Variants in PDE2A observed in about 807,000 individuals in gnomAD.
PDE2A encodes cGMP-dependent 3',5'-cyclic phosphodiesterase.
A neutral mutation model predicts 133.6 loss-of-function variants in PDE2A; 53 were observed. The ratio of observed to expected loss-of-function variants is 0.40; its 90% CI spans 0.32 to 0.50. The LOEUF is 0.50. Ranked by LOEUF, PDE2A falls within the 20% of genes least tolerant of loss-of-function variation. The pLI is 0.73. For synonymous variants in PDE2A, 491 were observed against 490.2 expected (o/e 1.00, Z -0.02); for missense variants, 796 against 1,232.4 (o/e 0.65, Z 5.30).
intron 1 of PDE2A, among the ~76,000 whole-genome samples, chr11:72,669,285 T>A (rs1317341880): frequency 1.3e-5 from 2 of 152,040 alleles, no homozygotes; most frequent in East Asian, 3.9e-4. Flanking sequence ...AGCCCAGAAA[T>A]CCAGGGTCCA....
At chr11:72,657,839 A>G (rs758386256) in intron 1 of PDE2A, 5 of 455,584 alleles carry the variant, frequency 1.1e-5, no homozygotes, top group African/African-American at 2.0e-5. Flanking sequence ...CCCATCTGTT[A>G]TGTGCACCTA....
At position 72,584,648 on chromosome 11, in the gene PDE2A, G is replaced by A; in HGVS notation, c.1440C>T (p.Asp480=). 4 of 1,613,454 alleles carry A rather than the reference G, an allele frequency of 2.5e-6. No homozygotes were observed. The highest frequency in any genetic ancestry group is 2.2e-5 in the East Asian group (1 of 44,884). ...ATTGQILNIP[D]AYAHPLFYRG... ...GGTAGAAAAGCGGATGGGCATATGC[G>A]TCAGGGATGTTCAGGATCTGGCCCG... The change falls in exon 18 of 31, where the codon GAC becomes GAT. Residue 480 remains aspartate (D), a synonymous_variant. Transcript: ENST00000334456.
chr11:72,579,552 A>C lies in PDE2A; in HGVS notation c.2238T>G (p.Phe746Leu), dbSNP rs1488072965. Residue 746 changes from phenylalanine (F) to leucine (L), a missense_variant, in exon 26 of 31, where the codon TTT becomes TTG. This residue lies in a region of PDE2A where 218 missense variants were observed against 465.9 expected (regional missense o/e 0.47). Transcript: ENST00000334456. ...AILNTHGCNI[F>L]DHFSRKDYQR... ...CCATCACCTTCCGGGAGAAATGATC[A>C]AAGATGTTGCAGCCGTGGGTGTTGA... 3.1e-6 allele frequency: 5 copies of C among 1,609,348 alleles called. No individual in the cohort carries two copies. In the African/African-American group the frequency reaches 6.8e-5, roughly 22 times the overall value.
chr11:72,606,213 C>G (rs1054588320), intron 3 of PDE2A, among the ~76,000 whole-genome samples: 1 of 151,948 alleles, frequency 6.6e-6, no homozygotes, highest in African/African-American at 2.4e-5. Flanking sequence ...TTCGGGATCC[C>G]TGACCAACCC....
intron 2 of PDE2A, among the ~76,000 whole-genome samples, chr11:72,623,997 CTTTT>C (rs71062781): frequency 7.1e-6 from 1 of 141,542 alleles, no homozygotes; most frequent in African/African-American, 2.6e-5. Context: ...CAATCTTTTT[CTTTT>C]TTTTTTTTTG....
chr11:72,624,209 C>G (rs142349175), intron 2 of PDE2A, among the ~76,000 whole-genome samples: 1,661 of 152,216 alleles, frequency 0.011, 16 homozygotes, highest in South Asian at 0.02. Flanking sequence ...TCTTGAACTC[C>G]TGACCTCAGG....
At chr11:72,653,595 G>A (rs1367476630) in intron 1 of PDE2A, among the ~76,000 whole-genome samples, 1 of 152,132 alleles carries the variant, frequency 6.6e-6, no homozygotes, top group Non-Finnish European at 1.5e-5. Context: ...TATAGAGATA[G>A]TAATAAAGGA....
chr11:72,580,466 T>A (rs1177702670), intron 25 of PDE2A, 111 bp downstream of exon 25: 42 of 833,612 alleles, frequency 5.0e-5, no homozygotes. Flanking sequence ...GCTGCAGCTC[T>A]CGCAGCCTGT....
At chr11:72,611,729 A>C (rs910836436) in intron 2 of PDE2A, among the ~76,000 whole-genome samples, 1 of 152,166 alleles carries the variant, frequency 6.6e-6, no homozygotes, top group Non-Finnish European at 1.5e-5. Flanking sequence ...GGTCCTGCCC[A>C]GCATGCCCCA....
At chr11:72,643,474 C>T (rs1351669706) in intron 1 of PDE2A, 2 of 152,410 alleles carry the variant, frequency 1.3e-5, no homozygotes, top group African/African-American at 4.8e-5. Flanking sequence ...TTCTCATCTC[C>T]CTCACAGGAC....
chr11:72,672,403 C>T (rs1855405286), intron 1 of PDE2A, among the ~76,000 whole-genome samples: 1 of 152,210 alleles, frequency 6.6e-6, no homozygotes, highest in African/African-American at 2.4e-5. Context: ...CCAGTCTCGT[C>T]TCAAACTCCT....
intron 2 of PDE2A, among the ~76,000 whole-genome samples, chr11:72,613,366 C>T (rs1035903209): frequency 2.6e-5 from 4 of 151,936 alleles, no homozygotes; most frequent in Admixed American, 1.3e-4. Context: ...CTGTGAGGCC[C>T]TCCTCTCTCT....
chr11:72,636,931 C>T (rs1269584471), intron 2 of PDE2A, among the ~76,000 whole-genome samples: 1 of 152,232 alleles, frequency 6.6e-6, no homozygotes, highest in Non-Finnish European at 1.5e-5. Context: ...ACATGGCTTA[C>T]AAGTCCTGCA....
At chr11:72,580,020 G>A (rs1855648216) in intron 25 of PDE2A, 1 of 206,588 alleles carries the variant, frequency 4.8e-6, no homozygotes, top group Non-Finnish European at 9.8e-6. Context: ...ACTCAGAAAA[G>A]GAGCAGCTTA....
intron 6 of PDE2A, among the ~76,000 whole-genome samples, chr11:72,594,259 G>A (rs1409519478): frequency 1.3e-5 from 2 of 152,226 alleles, no homozygotes; most frequent in African/African-American, 4.8e-5. Context: ...AATGGGGCTT[G>A]TCCAGGAAGG....
At chr11:72,600,201 A>T (rs1490022419) in intron 4 of PDE2A, among the ~76,000 whole-genome samples, 1 of 152,152 alleles carries the variant, frequency 6.6e-6, no homozygotes, top group Non-Finnish European at 1.5e-5. Flanking sequence ...AGGGACGGTA[A>T]TGGTCAGGTA....
intron 2 of PDE2A, among the ~76,000 whole-genome samples, chr11:72,632,121 G>T (rs1858428714): frequency 6.6e-6 from 1 of 152,150 alleles, no homozygotes; most frequent in Non-Finnish European, 1.5e-5. Context: ...GAGCTGGGGG[G>T]AGGGCACAGT....
At chr11:72,591,037 G>A in intron 7 of PDE2A, 1 of 467,146 alleles carries the variant, frequency 2.1e-6, no homozygotes, top group Non-Finnish European at 3.8e-6. Flanking sequence ...TTGTAAGTTG[G>A]CAACCGTGTG....
rs1367437198 is a variant in PDE2A, at chr11:72,591,034, T to C, written c.549+263A>G. 8 of 465,432 alleles carry C rather than the reference T, an allele frequency of 1.7e-5. No individual in the cohort carries two copies. In the South Asian group the frequency reaches 2.1e-4, roughly 12 times the overall value. The allele number at this position is 465,432 out of a possible 1,614,324, so 28.8% of individuals were successfully genotyped here. ...CCATCAAAAAGTCGAAAATTGTAAG[T>C]TGGCAACCGTGTGTATTTACAAGAT... On this transcript the variant is annotated intron_variant, in intron 7 of 30. Coordinates refer to ENST00000334456, the MANE Select transcript of PDE2A (RefSeq NM_002599.5).
Sources: gnomAD v4.1 joint callset for allele counts (sites outside exome capture counted in the v4.1 genomes callset) on GRCh38, gnomAD v4.1.1 for gene constraint, gnomAD v4.1.1 regional missense constraint, MANE v1.5 for transcripts, NCBI Gene and HGNC (gene_info 2026-07-23, HGNC 2026-07-21) for gene names.